The following ACAT1 variants were observed in gnomAD, a reference collection of about 807,000 sequenced individuals.
ACAT1 encodes acetyl-CoA acetyltransferase 1, also known as acetyl-CoA acetyltransferase, mitochondrial.
ACAT1 carries 28 observed loss-of-function variants against 47.3 expected under a neutral mutation model. The observed-to-expected ratio is 0.59, with a 90% CI of 0.44 to 0.81. ACAT1 has a LOEUF of 0.81. ACAT1 is among the 30% of genes least tolerant of loss of function. The probability of loss-of-function intolerance (pLI) is 0.00; values close to 1 mark genes in which losing one functional copy is unlikely to be tolerated. For missense variants in ACAT1, 469 were observed against 524.3 expected (o/e 0.89, Z 1.03); for synonymous variants, 181 against 173.6 (o/e 1.04, Z -0.34).
At chr11:108,123,701 CTATTTTA>C (rs1172994597) in intron 1 of ACAT1, among the ~76,000 whole-genome samples, 2 of 151,878 alleles carry the variant, frequency 1.3e-5, no homozygotes, top group African/African-American at 2.4e-5. Context: ...TTTTTTAAAT[CTATTTTA>C]ATTTTAGTTT....
At chr11:108,126,888 G>C (rs112069702) in intron 1 of ACAT1, among the ~76,000 whole-genome samples, 2,103 of 151,658 alleles carry the variant, frequency 0.014, 47 homozygotes, top group African/African-American at 0.048. Context: ...CACCTCCCGG[G>C]TTTAAGCAGT....
chr11:108,136,312 T>G, intron 5 of ACAT1: 1 of 399,712 alleles, frequency 2.5e-6, no homozygotes, highest in Non-Finnish European at 4.4e-6. Context: ...AGGTCTCTGT[T>G]GGAAAAATGC....
intron 1 of ACAT1, chr11:108,121,981 G>A: frequency 2.0e-6 from 1 of 502,878 alleles, no homozygotes; most frequent in Admixed American, 3.4e-5. Flanking sequence ...GATTGGCGCT[G>A]GCCCGGCCTG....
chr11:108,142,615 T>C (rs766211427), intron 9 of ACAT1, 65 bp downstream of exon 9: 7 of 1,330,360 alleles, frequency 5.3e-6, no homozygotes, highest in East Asian at 4.7e-5. Flanking sequence ...GGTGGGAGGA[T>C]TGCTTGAGCC....
At chr11:108,133,593 T>C (rs1183158271) in intron 2 of ACAT1, among the ~76,000 whole-genome samples, 1 of 152,194 alleles carries the variant, frequency 6.6e-6, no homozygotes, top group Non-Finnish European at 1.5e-5. Context: ...AAACCTCCTG[T>C]AGAGAACTGG....
upstream of ACAT1, chr11:108,121,438 G>C: frequency 1.3e-6 from 1 of 744,884 alleles, no homozygotes; most frequent in South Asian, 1.6e-5. Flanking sequence ...CGGTGTCCCA[G>C]CGCCAGGCTC....
intron 2 of ACAT1, 98 bp from the exon 3 acceptor site, chr11:108,133,718 CTCAT>C: frequency 3.2e-6 from 3 of 923,210 alleles, no homozygotes; most frequent in Non-Finnish European, 3.5e-6. Flanking sequence ...TTTTTGATGA[CTCAT>C]TCATAGAAGT....
At chr11:108,147,024 G>A (rs12270077) in intron 11 of ACAT1, among the ~76,000 whole-genome samples, 3,088 of 152,246 alleles carry the variant, frequency 0.02, 108 homozygotes, top group African/African-American at 0.07. Flanking sequence ...ATGTTGCAGT[G>A]AGCTGAGATT....
At chr11:108,140,242 A>C in intron 7 of ACAT1, 27 bp downstream of exon 7, 2 of 1,612,480 alleles carry the variant, frequency 1.2e-6, no homozygotes. Flanking sequence ...AAAAAGGATG[A>C]ATAGACTTTT....
chr11:108,143,714 T>C, intron 9 of ACAT1: 1 of 329,256 alleles, frequency 3.0e-6, no homozygotes, highest in Non-Finnish European at 5.6e-6. Context: ...CAGTGGCATC[T>C]GAACTATTCT....
chr11:108,127,052 G>A (rs1211914661), intron 1 of ACAT1, among the ~76,000 whole-genome samples: 3 of 151,720 alleles, frequency 2.0e-5, no homozygotes, highest in East Asian at 1.9e-4. Flanking sequence ...TCCTGACCTC[G>A]TGATCCGCCC....
intron 8 of ACAT1, 38 bp from the exon 9 acceptor site, chr11:108,142,399 A>T: frequency 6.8e-7 from 1 of 1,469,192 alleles, no homozygotes; most frequent in Non-Finnish European, 9.5e-7. Context: ...ATTTATTGTG[A>T]AGGAATGTTT....
In ACAT1 at chr11:108,124,378, C is replaced by T. The variant is rs553427929; in HGVS notation, c.72+2700C>T. Among the ~76,000 whole-genome samples, 27 of 152,326 alleles carry T rather than the reference C, an allele frequency of 1.8e-4. No individual in the cohort carries two copies. The South Asian group carries it at 5.6e-3, about 32-fold the overall frequency. ...TCCCGGGTTCAAGCAGTTCTCCTGC[C>T]TCAGCCTCCTGAGTAGCTGGGATTA... On this transcript the variant is annotated intron_variant, in intron 1 of 11. Transcript: ENST00000265838.
chr11:108,141,473 T>C, intron 7 of ACAT1, 132 bp from the exon 8 acceptor site: 2 of 673,824 alleles, frequency 3.0e-6, no homozygotes, highest in Non-Finnish European at 5.3e-6. Flanking sequence ...TCTAGATGAG[T>C]GTTTACTTGG....
At chr11:108,130,809 G>C (rs1392885626) in intron 1 of ACAT1, among the ~76,000 whole-genome samples, 5 of 152,162 alleles carry the variant, frequency 3.3e-5, no homozygotes, top group African/African-American at 1.2e-4. Context: ...GAGTGCAGTG[G>C]CGTGATCTTG....
upstream of ACAT1, among the ~76,000 whole-genome samples, chr11:108,119,411 C>A (rs1051732806): frequency 2.0e-4 from 30 of 152,018 alleles, no homozygotes; most frequent in Non-Finnish European, 2.9e-5. Context: ...GCTATGTTGG[C>A]CAGGCTGCTT....
Position 108,147,448 on chromosome 11 carries a change from G to T in ACAT1, c.*58G>T. On this transcript the variant is annotated 3_prime_UTR_variant, in exon 12 of 12. Coordinates refer to ENST00000265838, the MANE Select transcript of ACAT1 (RefSeq NM_000019.4). ...GTGACCAGAAGGCCTGCTGTAATCA[G>T]TGTGACTACTGTGGGTCAGCTTATA... 6.3e-7 allele frequency: 1 copy of T among 1,584,706 alleles called. No individual in the cohort carries two copies. The highest frequency in any genetic ancestry group is 8.6e-7 in the Non-Finnish European group (1 of 1,158,362).
chr11:108,144,628 T>G (rs1193942332), intron 10 of ACAT1, among the ~76,000 whole-genome samples: 2 of 151,968 alleles, frequency 1.3e-5, no homozygotes, highest in Non-Finnish European at 2.9e-5. Context: ...ACAGTAAACT[T>G]CTGTAAGCAC....
chr11:108,140,142 T>C lies in ACAT1; in HGVS notation c.657T>C (p.Tyr219=), dbSNP rs2077557732. 3.1e-6 allele frequency: 5 copies of C among 1,614,078 alleles called. No homozygotes were observed. The highest frequency in any genetic ancestry group is 4.2e-6 in the Non-Finnish European group (5 of 1,180,024). The change falls in exon 7 of 12, where the codon TAT becomes TAC. Residue 219 remains tyrosine, a synonymous_variant. Coordinates refer to ENST00000265838, the MANE Select transcript of ACAT1 (RefSeq NM_000019.4). ...AGGACGCTTATGCTATTAATTCTTATACCAGAAGTAAAGCAGCATGGGAAG... is the reference window on the plus strand; with the variant it reads ...AGGACGCTTATGCTATTAATTCTTACACCAGAAGTAAAGCAGCATGGGAAG... The part of the protein sequence containing the change: ...NEQDAYAINS[Y]TRSKAAWEAG...
Sources: allele counts gnomAD v4.1 joint callset (sites outside exome capture counted in the v4.1 genomes callset), GRCh38; gene constraint gnomAD v4.1.1; transcripts MANE v1.5; gene names NCBI Gene and HGNC (gene_info 2026-07-23, HGNC 2026-07-21).